GSG1L: variants seen among roughly 807,000 people sequenced by gnomAD.
GSG1L encodes germ cell-specific gene 1-like protein.
GSG1L carries 24 observed loss-of-function variants against 42.1 expected under a neutral mutation model. The ratio of observed to expected loss-of-function variants is 0.57; its 90% CI spans 0.41 to 0.80. GSG1L has a LOEUF of 0.80. Ranked by LOEUF, GSG1L falls within the 30% of genes least tolerant of loss-of-function variation. The probability of loss-of-function intolerance (pLI) is 0.00; values close to 1 mark genes in which losing one functional copy is unlikely to be tolerated. For missense variants in GSG1L, 445 were observed against 472.2 expected, an observed-to-expected ratio of 0.94 and a Z score of 0.53; for synonymous variants, 215 against 203.5, an observed-to-expected ratio of 1.06 and a Z score of -0.48.
At chr16:27,851,362 G>C (rs187623908) in intron 3 of GSG1L, among the ~76,000 whole-genome samples, 3 of 152,166 alleles carry the variant, frequency 2.0e-5, no homozygotes, top group Admixed American at 2.0e-4. Flanking sequence ...ATGCCTGGCT[G>C]ACATTTTTAT....
At chr16:27,864,115 G>T (rs1254153874) in intron 3 of GSG1L, among the ~76,000 whole-genome samples, 2 of 152,172 alleles carry the variant, frequency 1.3e-5, no homozygotes, top group African/African-American at 4.8e-5. Context: ...TCATTTAAAA[G>T]GGCATTTCTG....
chr16:27,942,920 C>T (rs761881882), intron 2 of GSG1L, among the ~76,000 whole-genome samples: 2 of 152,180 alleles, frequency 1.3e-5, no homozygotes, highest in Non-Finnish European at 2.9e-5. Context: ...AGATGCGAAA[C>T]CAGTGGTTCT....
chr16:28,025,518 C>T (rs1348692089), intron 1 of GSG1L, among the ~76,000 whole-genome samples: 1 of 152,236 alleles, frequency 6.6e-6, no homozygotes, highest in East Asian at 1.9e-4. Flanking sequence ...CCAAGCCCGG[C>T]TCAACCCTCC....
chr16:27,959,517 G>A (rs2141104033), intron 2 of GSG1L, among the ~76,000 whole-genome samples: 1 of 136,888 alleles, frequency 7.3e-6, no homozygotes, highest in Admixed American at 7.3e-5. Flanking sequence ...GGAGGGGGAG[G>A]GAAGGGGAGG....
intron 1 of GSG1L, among the ~76,000 whole-genome samples, chr16:28,037,163 T>A (rs1282308703): frequency 2.6e-5 from 4 of 152,178 alleles, no homozygotes; most frequent in African/African-American, 7.2e-5. Flanking sequence ...ATAGCTGGGA[T>A]TACAGGCATG....
intron 6 of GSG1L, among the ~76,000 whole-genome samples, chr16:27,795,512 G>T (rs2082808782): frequency 6.6e-6 from 1 of 152,214 alleles, no homozygotes; most frequent in Non-Finnish European, 1.5e-5. Flanking sequence ...GGCCCAGCAG[G>T]CACCCTGCAG....
At chr16:27,962,855 G>A (rs1237750593) in intron 2 of GSG1L, among the ~76,000 whole-genome samples, 12 of 152,216 alleles carry the variant, frequency 7.9e-5, no homozygotes, top group Middle Eastern at 3.4e-3. Flanking sequence ...TGAACCAAAC[G>A]TCCACACCCC....
At chr16:27,891,251 C>T (rs1309136839) in intron 2 of GSG1L, among the ~76,000 whole-genome samples, 1 of 152,186 alleles carries the variant, frequency 6.6e-6, no homozygotes, top group Non-Finnish European at 1.5e-5. Flanking sequence ...CAACGTTAAA[C>T]TGTCAGAACC....
chr16:27,966,053 C>T (rs2085129189), intron 1 of GSG1L, among the ~76,000 whole-genome samples: 1 of 152,252 alleles, frequency 6.6e-6, no homozygotes, highest in Admixed American at 6.5e-5. Flanking sequence ...CGGGCATTCT[C>T]CTGCCTCAGG....
At chr16:27,879,088 ACT>A (rs1467480628) in intron 3 of GSG1L, among the ~76,000 whole-genome samples, 1 of 152,094 alleles carries the variant, frequency 6.6e-6, no homozygotes, top group Non-Finnish European at 1.5e-5. Context: ...CTAAAATGGG[ACT>A]GAGTGGACCA....
At chr16:28,009,006 G>A (rs1268844023) in intron 1 of GSG1L, among the ~76,000 whole-genome samples, 3 of 151,984 alleles carry the variant, frequency 2.0e-5, no homozygotes, top group African/African-American at 7.3e-5. Context: ...ACAGGGTTTC[G>A]TCATGTTGGC....
At chr16:27,827,962 C>T (rs937857750) in intron 5 of GSG1L, among the ~76,000 whole-genome samples, 8 of 150,792 alleles carry the variant, frequency 5.3e-5, no homozygotes, top group African/African-American at 2.0e-4. Flanking sequence ...CCTACCCATC[C>T]ACCAACACAC....
intron 4 of GSG1L, among the ~76,000 whole-genome samples, chr16:27,842,645 C>T (rs537738837): frequency 6.6e-6 from 1 of 152,176 alleles, no homozygotes; most frequent in East Asian, 1.9e-4. Flanking sequence ...CAGCTGGCTT[C>T]CCTGGGATTG....
chr16:27,843,633 G>A (rs550522910), intron 4 of GSG1L, among the ~76,000 whole-genome samples: 2 of 152,138 alleles, frequency 1.3e-5, no homozygotes, highest in Non-Finnish European at 2.9e-5. Flanking sequence ...ACAAGATAAG[G>A]AGAGGGCATG....
chr16:27,933,418 A>G (rs913708787), intron 2 of GSG1L, among the ~76,000 whole-genome samples: 1 of 152,054 alleles, frequency 6.6e-6, no homozygotes, highest in Non-Finnish European at 1.5e-5. Flanking sequence ...AAGCTGAGGT[A>G]GGGGGTTTGC....
intron 3 of GSG1L, among the ~76,000 whole-genome samples, chr16:27,850,275 C>G (rs2140989069): frequency 6.6e-6 from 1 of 151,556 alleles, no homozygotes; most frequent in Admixed American, 6.5e-5. Flanking sequence ...GTGATCTGCC[C>G]ACCTTGGTCC....
chr16:27,830,350 C>T (rs2083261855), intron 4 of GSG1L, among the ~76,000 whole-genome samples: 1 of 152,136 alleles, frequency 6.6e-6, no homozygotes, highest in Non-Finnish European at 1.5e-5. Flanking sequence ...TTCTAAACAT[C>T]ATCACCACCC....
At chr16:27,973,899 G>A (rs145944027) in intron 1 of GSG1L, among the ~76,000 whole-genome samples, 2 of 152,170 alleles carry the variant, frequency 1.3e-5, no homozygotes, top group African/African-American at 2.4e-5. Context: ...GGGCTCCTTC[G>A]TGGGCCCCAG....
chr16:28,048,242 A>G (rs935729015), intron 1 of GSG1L, among the ~76,000 whole-genome samples: 6 of 152,100 alleles, frequency 3.9e-5, no homozygotes, highest in African/African-American at 1.2e-4. Context: ...ATATATATAT[A>G]ACAATATAAA....
Sources: allele counts gnomAD v4.1 joint callset (sites outside exome capture counted in the v4.1 genomes callset), GRCh38; gene constraint gnomAD v4.1.1; transcripts MANE v1.5; gene names NCBI Gene and HGNC (gene_info 2026-07-23, HGNC 2026-07-21).